PAN3: variants seen among roughly 807,000 people sequenced by gnomAD.
PAN3 encodes PAN2-PAN3 deadenylation complex subunit PAN3.
PAN3 carries 19 observed loss-of-function variants against 96.2 expected under a neutral mutation model. The observed-to-expected ratio is 0.20, with a 90% CI of 0.14 to 0.29. PAN3 has a LOEUF of 0.29. Among genes scored for constraint, PAN3 ranks in the 10% least tolerant of loss-of-function variants. The probability of loss-of-function intolerance (pLI) is 1.00; values close to 1 mark genes in which losing one functional copy is unlikely to be tolerated. For missense variants in PAN3, 882 were observed against 1,108.1 expected (o/e 0.80, Z 2.90); for synonymous variants, 433 against 406.6 (o/e 1.06, Z -0.78).
At chr13:28,163,772 G>A (rs1303603475) in intron 1 of PAN3, among the ~76,000 whole-genome samples, 1 of 152,126 alleles carries the variant, frequency 6.6e-6, no homozygotes, top group South Asian at 2.1e-4. Context: ...TATGATTCTT[G>A]TAAAGATCTT....
chr13:28,290,712 T>A (rs568479381), intron 18 of PAN3, among the ~76,000 whole-genome samples: 1 of 152,296 alleles, frequency 6.6e-6, no homozygotes, highest in South Asian at 2.1e-4. Flanking sequence ...CACAAGACTA[T>A]ATGTATCATT....
intron 12 of PAN3, among the ~76,000 whole-genome samples, chr13:28,269,952 G>T (rs887588354): frequency 1.3e-5 from 2 of 152,132 alleles, no homozygotes; most frequent in African/African-American, 4.8e-5. Flanking sequence ...GATCAGCAGG[G>T]TGTAGGGACT....
At position 28,295,189 on chromosome 13, in the gene PAN3, C is replaced by T. The variant is rs1220131618; in HGVS notation, c.*2667C>T. On this transcript the variant is annotated 3_prime_UTR_variant, in exon 19 of 19. Transcript: ENST00000380958. ...TTGTATTTTGCTTTTGACCTTGGTT[C>T]TGTGATTTGGATGTCAACAACTTCC... 2 of 152,126 alleles carry T rather than the reference C, an allele frequency of 1.3e-5. No homozygotes were observed. The highest frequency in any genetic ancestry group is 2.9e-5 in the Non-Finnish European group (2 of 68,032). 9.4% of individuals were successfully genotyped at this position (152,126 alleles called of 1,614,324 possible). A position where few individuals can be genotyped will look rare whatever the true frequency, so the allele number is the denominator to read the frequency against.
chr13:28,138,344 TGCCCGCGCCCTCGAAGTCCCCGTCTGG>T (rs1166601784), upstream of PAN3, among the ~76,000 whole-genome samples: 1 of 152,070 alleles, frequency 6.6e-6, no homozygotes, highest in East Asian at 1.9e-4. Context: ...CCTCTTCCCC[TGCCCGCGCCCTCGAAGTCCCCGTCTGG>T]GCCCGCGCGC....
rs536162666 is a variant in PAN3, at chr13:28,251,102, G to A, written c.1001-5190G>A. On this transcript the variant is annotated intron_variant, in intron 6 of 18. Transcript: ENST00000380958. ...TTTGCTATTTAATGCATCTTTTGAT[G>A]TTTTTTCCCTTTAATTTTAATGCTT... 1.1e-4 allele frequency among the ~76,000 whole-genome samples: 17 copies of A among 152,002 alleles called. No individual in the cohort carries two copies. In the East Asian group the frequency reaches 2.3e-3, roughly 21 times the overall value.
rs71086837 is a variant in PAN3 at position 28,206,315 on chromosome 13, CTTTTTTT to C, written c.852+8987_852+8993del. Among the ~76,000 whole-genome samples the C allele has an allele frequency of 6.1e-3, 579 of 94,920 alleles. 4 individuals are homozygous for C. The highest frequency in any genetic ancestry group is 0.022 in the African/African-American group (513 of 23,298). The allele number at this position is 94,920 out of a possible 152,430, so 62.3% of individuals were successfully genotyped here. On this transcript the variant is annotated intron_variant, in intron 5 of 18. Coordinates refer to ENST00000380958, the MANE Select transcript of PAN3 (RefSeq NM_175854.8). Reference sequence around the variant, plus strand: ...GTTTTTGATAAGATCGTCTAACTGACTTTTTTTTTTTTTTTTTTTTTTTTGAGACAGA... The same window carrying C: ...GTTTTTGATAAGATCGTCTAACTGACTTTTTTTTTTTTTTTTTGAGACAGA...
Position 28,290,713 on chromosome 13 carries a change from A to G in PAN3, c.2524-1669A>G, listed in dbSNP as rs181554573. Among the ~76,000 whole-genome samples the G allele has an allele frequency of 4.4e-3, 670 of 152,320 alleles. 9 individuals carry two copies. The highest frequency in any genetic ancestry group is 0.015 in the African/African-American group (636 of 41,574). Reference sequence around the variant, plus strand: ...AAGAAAAAAGACTGCACAAGACTATATGTATCATTGAACTAATTCAGTATG... The same window carrying G: ...AAGAAAAAAGACTGCACAAGACTATGTGTATCATTGAACTAATTCAGTATG... On this transcript the variant is annotated intron_variant, in intron 18 of 18. Transcript: ENST00000380958.
chr13:28,239,126 C>CT (rs1321832573), intron 6 of PAN3, among the ~76,000 whole-genome samples: 11 of 141,464 alleles, frequency 7.8e-5, no homozygotes, highest in African/African-American at 2.8e-4. Context: ...CTGGTGGAGA[C>CT]TTTTAATCCC....
chr13:28,199,128 G>A (rs1036048537), intron 5 of PAN3, among the ~76,000 whole-genome samples: 2 of 151,886 alleles, frequency 1.3e-5, no homozygotes, highest in East Asian at 1.9e-4. Flanking sequence ...TTTTTGATAC[G>A]GGTTGTTACA....
In PAN3 at chr13:28,169,786, C is replaced by T. The variant is rs187564597; in HGVS notation, c.431-4486C>T. 1.5e-3 allele frequency among the ~76,000 whole-genome samples: 227 copies of T among 152,106 alleles called. 2 individuals carry two copies. The East Asian group carries it at 0.022, about 14-fold the overall frequency. On this transcript the variant is annotated intron_variant, in intron 1 of 18. Transcript: ENST00000380958. ...ATTTTAGGCCGGGCACAGTGGCTCA[C>T]GCCTGTAATCCCAGCACTTTGGGAG...
intron 5 of PAN3, among the ~76,000 whole-genome samples, chr13:28,201,106 C>T (rs1456781603): frequency 2.0e-5 from 3 of 151,778 alleles, no homozygotes; most frequent in Admixed American, 1.3e-4. Flanking sequence ...AATCATGGCT[C>T]ACCTCATAGT....
At chr13:28,271,226 C>G (rs1886596105) in intron 13 of PAN3, among the ~76,000 whole-genome samples, 1 of 152,188 alleles carries the variant, frequency 6.6e-6, no homozygotes, top group Non-Finnish European at 1.5e-5. Context: ...GCCCTACCCC[C>G]AGAGATTTTC....
intron 6 of PAN3, 118 bp downstream of exon 6, chr13:28,220,496 G>A: frequency 3.3e-6 from 4 of 1,220,864 alleles, no homozygotes; most frequent in Non-Finnish European, 4.3e-6. Context: ...AACATTAAGA[G>A]CTTTATGTTC....
rs563351630 is a variant in PAN3, at chr13:28,281,426, A to G, written c.2384+47A>G. ...CAATATATTTTTAATCGAGAGCACT[A>G]TTTTGCATAATAAGAATAAGTATGC... On this transcript the variant is annotated intron_variant, in intron 17 of 18. Coordinates refer to ENST00000380958, the MANE Select transcript of PAN3 (RefSeq NM_175854.8). 4.1e-5 allele frequency: 60 copies of G among 1,476,264 alleles called. No homozygotes were observed. The Admixed American group carries it at 9.4e-4, about 23-fold the overall frequency. The allele number at this position is 1,476,264 out of a possible 1,614,324, so 91.4% of individuals were successfully genotyped here.
chr13:28,230,921 A>G (rs773890476), intron 6 of PAN3, among the ~76,000 whole-genome samples: 7 of 152,206 alleles, frequency 4.6e-5, no homozygotes, highest in Non-Finnish European at 1.0e-4. Flanking sequence ...TTTAGTAGCT[A>G]ACACCTTTCT....
chr13:28,162,305 G>T (rs1593385756), intron 1 of PAN3, among the ~76,000 whole-genome samples: 1 of 152,302 alleles, frequency 6.6e-6, no homozygotes, highest in East Asian at 1.9e-4. Flanking sequence ...ATCTGCTGAG[G>T]GGGTAGAGGA....
At chr13:28,259,712 C>T (rs1287094970) in intron 7 of PAN3, among the ~76,000 whole-genome samples, 3 of 151,976 alleles carry the variant, frequency 2.0e-5, no homozygotes, top group African/African-American at 7.3e-5. Flanking sequence ...AATCTCCACT[C>T]ACCACAACCT....
chr13:28,267,169 A>C lies in PAN3; in HGVS notation c.1648A>C (p.Thr550Pro). The part of the protein sequence containing the change: ...WKKIQHSNIV[T>P]LREVFTTKAF... ...GAAAATTCAACACTCAAATATCGTA[A>C]CTTTGCGTGAAGTATTTACCACTAA... The change falls in exon 11 of 19, where the codon ACT (threonine) becomes CCT (proline). Residue 550 changes from threonine (T) to proline (P), a missense_variant. This residue lies in a region of PAN3 where 364 missense variants were observed against 513.6 expected (regional missense o/e 0.71). Transcript: ENST00000380958. 1 of 1,613,094 alleles carries C rather than the reference A, an allele frequency of 6.2e-7. No homozygotes were observed. The highest frequency in any genetic ancestry group is 8.5e-7 in the Non-Finnish European group (1 of 1,179,186).
chr13:28,285,519 A>G (rs1051498252), intron 17 of PAN3, among the ~76,000 whole-genome samples: 3 of 152,124 alleles, frequency 2.0e-5, no homozygotes, highest in African/African-American at 7.2e-5. Flanking sequence ...TTGAGTCATA[A>G]TGATGGATTA....
Sources: gnomAD v4.1 joint callset for allele counts (sites outside exome capture counted in the v4.1 genomes callset) on GRCh38, gnomAD v4.1.1 for gene constraint, gnomAD v4.1.1 regional missense constraint, MANE v1.5 for transcripts, NCBI Gene and HGNC (gene_info 2026-07-23, HGNC 2026-07-21) for gene names.